The following MPPED1 variants were observed in gnomAD, a reference collection of about 807,000 sequenced individuals.
MPPED1 encodes the protein metallophosphoesterase domain-containing protein 1.
Under a neutral mutation model 36.2 loss-of-function variants are expected in MPPED1, and 16 were observed. That is an observed-to-expected ratio of 0.44 (90% CI 0.30 to 0.67). The LOEUF (loss-of-function observed/expected upper bound fraction) is 0.67, where lower values mean the gene tolerates loss of function less well. Among genes scored for constraint, MPPED1 ranks in the 30% least tolerant of loss-of-function variants. The pLI is 0.10. For synonymous variants in MPPED1, 199 were observed against 191.3 expected, an observed-to-expected ratio of 1.04 and a Z score of -0.33; for missense variants, 307 against 453.4, an observed-to-expected ratio of 0.68 and a Z score of 2.93.
intron 3 of MPPED1, among the ~76,000 whole-genome samples, chr22:43,436,655 G>A (rs1476023948): frequency 6.6e-6 from 1 of 152,232 alleles, no homozygotes; most frequent in Non-Finnish European, 1.5e-5. Context: ...CCCCTTCCCC[G>A]AGGGAGGCTG....
chr22:43,481,617 T>C (rs1182588597), intron 4 of MPPED1, among the ~76,000 whole-genome samples: 3 of 152,230 alleles, frequency 2.0e-5, no homozygotes, highest in African/African-American at 4.8e-5. Flanking sequence ...TCTCCTGCGA[T>C]TGAACCTTTC....
rs1418129982 is a variant in MPPED1, at chr22:43,463,822, TCTTTC to T, written c.407-10913_407-10909del. On this transcript the variant is annotated intron_variant, in intron 3 of 6. Coordinates refer to ENST00000443721, the MANE Select transcript of MPPED1 (RefSeq NM_001044370.2). The stretch of plus-strand genomic sequence containing the variant: ...TCATTTTTTCTTTTCTTTCTTTCTT[TCTTTC>T]TTTCTTTCTTTCTTTCTTTCTTTCT... 3.8e-3 allele frequency among the ~76,000 whole-genome samples: 418 copies of T among 108,810 alleles called. 14 individuals carry two copies. The highest frequency in any genetic ancestry group is 7.1e-3 in the Non-Finnish European group (348 of 48,794). 71.4% of individuals were successfully genotyped at this position (108,810 alleles called of 152,430 possible).
intron 4 of MPPED1, among the ~76,000 whole-genome samples, chr22:43,492,527 G>T (rs1462189324): frequency 6.6e-6 from 1 of 152,124 alleles, no homozygotes; most frequent in South Asian, 2.1e-4. Context: ...GCCTGTGGGT[G>T]GGGGTCCCTG....
chr22:43,428,886 A>G (rs1929577323), intron 2 of MPPED1, among the ~76,000 whole-genome samples: 1 of 151,966 alleles, frequency 6.6e-6, no homozygotes, highest in South Asian at 2.1e-4. Flanking sequence ...TAGGCGGACC[A>G]CTGGCCTGGT....
At position 43,502,902 on chromosome 22, in the gene MPPED1, C is replaced by G; in HGVS notation, c.862+145C>G. 1 of 694,188 alleles carries G rather than the reference C, an allele frequency of 1.4e-6. No individual in the cohort carries two copies. The highest frequency in any genetic ancestry group is 1.6e-5 in the South Asian group (1 of 60,920). 43.0% of individuals were successfully genotyped at this position (694,188 alleles called of 1,614,324 possible). A position where few individuals can be genotyped will look rare whatever the true frequency, so the allele number is the denominator to read the frequency against. ...TGTAACTGCTAACTGCCATACACAC[C>G]CTGGCTGTCAATGAGCTATTGCTAA... On this transcript the variant is annotated intron_variant, in intron 6 of 6. Coordinates refer to ENST00000443721, the MANE Select transcript of MPPED1 (RefSeq NM_001044370.2). The surrounding 1 kb of genome is among the most constrained non-coding windows in gnomAD (Gnocchi z 5.5).
At chr22:43,458,520 G>A (rs138460747) in intron 3 of MPPED1, among the ~76,000 whole-genome samples, 1,637 of 152,176 alleles carry the variant, frequency 0.011, 30 homozygotes, top group African/African-American at 0.036. Flanking sequence ...TCCTGACCTC[G>A]TGATCCGCCC....
intron 2 of MPPED1, among the ~76,000 whole-genome samples, chr22:43,434,658 A>G (rs370694043): frequency 1.9e-4 from 29 of 152,204 alleles, no homozygotes; most frequent in African/African-American, 6.5e-4. Context: ...AGACATCTTG[A>G]AGAGGCCACT....
chr22:43,500,883 CA>C (rs1174643610), intron 5 of MPPED1, among the ~76,000 whole-genome samples: 1 of 151,970 alleles, frequency 6.6e-6, no homozygotes. Flanking sequence ...GCTGTGATCC[CA>C]GAATTGGAGG....
chr22:43,420,654 G>C (rs1383583529), intron 1 of MPPED1, among the ~76,000 whole-genome samples: 4 of 152,082 alleles, frequency 2.6e-5, no homozygotes, highest in Non-Finnish European at 4.4e-5. Context: ...CTCCCGCCTC[G>C]GCGTCCCAAA....
intron 3 of MPPED1, among the ~76,000 whole-genome samples, chr22:43,454,270 A>G (rs1485168670): frequency 6.6e-6 from 1 of 151,104 alleles, no homozygotes; most frequent in Non-Finnish European, 1.5e-5. Context: ...TGGCCTCCCA[A>G]AGTACTGGGA....
rs193255922 is a variant in MPPED1 at position 43,468,378 on chromosome 22, C to G, written c.407-6358C>G. Among the ~76,000 whole-genome samples the G allele has an allele frequency of 1.2e-3, 183 of 152,332 alleles. 1 individual carries two copies. Among genetic ancestry groups the G allele is most frequent in the African/African-American group, 4.1e-3 (169 of 41,584 alleles). ...AGCGTTCTCGCCCACCTAGCAGAGTCCAACTGGCCTGTCTCCAGTTTCAGG... is the reference window on the plus strand; with the variant it reads ...AGCGTTCTCGCCCACCTAGCAGAGTGCAACTGGCCTGTCTCCAGTTTCAGG... On this transcript the variant is annotated intron_variant, in intron 3 of 6. Coordinates refer to ENST00000443721, the MANE Select transcript of MPPED1 (RefSeq NM_001044370.2).
chr22:43,416,667 T>A (rs1601941577), intron 1 of MPPED1: 2 of 152,320 alleles, frequency 1.3e-5, no homozygotes, highest in Middle Eastern at 3.4e-3. Flanking sequence ...GCTTCCCATT[T>A]CAACTCCATA....
At chr22:43,490,384 A>G (rs1932045365) in intron 4 of MPPED1, among the ~76,000 whole-genome samples, 2 of 152,110 alleles carry the variant, frequency 1.3e-5, no homozygotes, top group African/African-American at 4.8e-5. Context: ...CTCTCTGGGC[A>G]TTGGGGTGGG....
chr22:43,462,753 G>T (rs140245203), intron 3 of MPPED1, among the ~76,000 whole-genome samples: 1 of 152,092 alleles, frequency 6.6e-6, no homozygotes, highest in South Asian at 2.1e-4. Context: ...AGCCTCCAAG[G>T]CCTGCTCCCA....
chr22:43,470,796 G>A (rs548323099), intron 3 of MPPED1, among the ~76,000 whole-genome samples: 11 of 152,380 alleles, frequency 7.2e-5, no homozygotes, highest in Middle Eastern at 3.4e-3. Context: ...TGTCTGTGAA[G>A]GTTATGCACA....
chr22:43,500,254 T>TGGTGGTGATGGTGATGGA (rs1932656594), intron 5 of MPPED1, among the ~76,000 whole-genome samples: 1 of 107,632 alleles, frequency 9.3e-6, no homozygotes, highest in Non-Finnish European at 1.9e-5. Flanking sequence ...GCAGTGATGA[T>TGGTGGTGATGGTGATGGA]GGTGGTGATG....
chr22:43,477,557 G>T (rs970811132), intron 4 of MPPED1, among the ~76,000 whole-genome samples: 1 of 152,214 alleles, frequency 6.6e-6, no homozygotes, highest in Non-Finnish European at 1.5e-5. Context: ...GTGCCACATG[G>T]TGGCCACCTG....
In MPPED1 at chr22:43,505,750, C is replaced by A; in HGVS notation, c.*134C>A. ...ACTGGCCTAGCAGGCAGGTCAGGGC[C>A]TTGGAACGACTCTTTAGCCTTCTGT... On this transcript the variant is annotated 3_prime_UTR_variant, in exon 7 of 7. Transcript: ENST00000443721. The A allele has an allele frequency of 3.0e-6, 2 of 674,416 alleles. No individual in the cohort carries two copies. The highest frequency in any genetic ancestry group is 5.2e-6 in the Non-Finnish European group (2 of 387,606). 41.8% of individuals were successfully genotyped at this position (674,416 alleles called of 1,614,324 possible).
At chr22:43,475,174 G>A (rs530416501) in intron 4 of MPPED1, among the ~76,000 whole-genome samples, 1 of 152,242 alleles carries the variant, frequency 6.6e-6, no homozygotes, top group South Asian at 2.1e-4. Flanking sequence ...ATTATCAGCT[G>A]TAACCTGTGT....
Sources: gnomAD v4.1 joint callset for allele counts (sites outside exome capture counted in the v4.1 genomes callset) on GRCh38, gnomAD v4.1.1 for gene constraint, Gnocchi (gnomAD v3.1) non-coding constraint, MANE v1.5 for transcripts, NCBI Gene and HGNC (gene_info 2026-07-23, HGNC 2026-07-21) for gene names.